VPS4A: variants seen among roughly 807,000 people sequenced by gnomAD.
The protein encoded by VPS4A is vacuolar protein sorting-associated protein 4A.
A neutral mutation model predicts 52.3 loss-of-function variants in VPS4A; 20 were observed. The ratio of observed to expected loss-of-function variants is 0.38; its 90% confidence interval spans 0.27 to 0.56. The LOEUF is 0.56. VPS4A is among the 20% of genes least tolerant of loss of function. The probability of loss-of-function intolerance (pLI) is 0.72; values close to 1 mark genes in which losing one functional copy is unlikely to be tolerated. For synonymous variants in VPS4A, 293 were observed against 227.7 expected (o/e 1.29, Z -2.58); for missense variants, 419 against 575.9 (o/e 0.73, Z 2.79).
rs1388937519 is a variant in VPS4A at position 69,324,345 on chromosome 16, G to A, written c.*36G>A. The A allele has an allele frequency of 1.2e-6, 2 of 1,600,974 alleles. No homozygotes were observed. Among genetic ancestry groups the A allele is most frequent in the Non-Finnish European group, 1.7e-6 (2 of 1,171,852 alleles). On this transcript the variant is annotated 3_prime_UTR_variant, in exon 11 of 11. Coordinates refer to ENST00000254950, the MANE Select transcript of VPS4A (RefSeq NM_013245.3). ...ACTTGGGCAATGGTGAAGGTGGGAG[G>A]TTGATTGGGGCAAATCCAGGCACTC...
chr16:69,322,551 T>C lies in VPS4A; in HGVS notation c.1072-9T>C, dbSNP rs1454997797. The C allele has an allele frequency of 5.3e-5, 86 of 1,610,102 alleles. No individual in the cohort carries two copies. Among genetic ancestry groups the C allele is most frequent in the Non-Finnish European group, 6.9e-5 (81 of 1,177,910 alleles). On this transcript the variant is annotated splice_polypyrimidine_tract_variant and intron_variant, in intron 9 of 10. Transcript: ENST00000254950. ...GGCAGCTGCCCCAGTCAGATCCATTTGGTTTCAGGTCTGTGGCCCCTCTCG... is the reference window on the plus strand; with the variant it reads ...GGCAGCTGCCCCAGTCAGATCCATTCGGTTTCAGGTCTGTGGCCCCTCTCG...
In VPS4A at chr16:69,321,210, C is replaced by T. The variant is rs376757231; in HGVS notation, c.1011C>T (p.Ile337=). 7.1e-5 allele frequency: 111 copies of T among 1,568,608 alleles called. No homozygotes were observed. The highest frequency in any genetic ancestry group is 4.3e-4 in the East Asian group (18 of 42,018). The change falls in exon 9 of 11, where the codon ATC becomes ATT. Residue 337 remains isoleucine (I), a synonymous_variant. Coordinates refer to ENST00000254950, the MANE Select transcript of VPS4A (RefSeq NM_013245.3). The surrounding 1 kb of genome is among the most constrained non-coding windows in gnomAD (Gnocchi z 4.5). The part of the protein sequence containing the change: ...EGYSGADISI[I]VRDSLMQPVR... Reference sequence around the variant, plus strand: ...ACTCGGGCGCGGACATCAGCATCATCGTGCGGGACTCTCTCATGCAGCCCG... The same window carrying T: ...ACTCGGGCGCGGACATCAGCATCATTGTGCGGGACTCTCTCATGCAGCCCG...
chr16:69,319,685 G>C, intron 6 of VPS4A, 142 bp downstream of exon 6: 1 of 1,159,372 alleles, frequency 8.6e-7, no homozygotes, highest in Non-Finnish European at 1.2e-6. Context: ...CTAGCTTATC[G>C]GCTGGGACAC....
Position 69,316,094 on chromosome 16 carries a change from G to A in VPS4A, c.108G>A (p.Val36=). 3 of 1,613,480 alleles carry A rather than the reference G, an allele frequency of 1.9e-6. No individual in the cohort carries two copies. Among genetic ancestry groups the A allele is most frequent in the Non-Finnish European group, 2.5e-6 (3 of 1,179,888 alleles). ...CGCTGCGGCTGTACCAGCATGCGGT[G>A]GAGTACTTCCTCCACGCTATCAAGT... ...EEALRLYQHA[V]EYFLHAIKYE... The change falls in exon 2 of 11, where the codon GTG becomes GTA. Residue 36 remains valine (V), a synonymous_variant. Coordinates refer to ENST00000254950, the MANE Select transcript of VPS4A (RefSeq NM_013245.3).
Position 69,320,672 on chromosome 16 carries a change from C to A in VPS4A, c.770-16C>A, listed in dbSNP as rs1050371664. 1.3e-6 allele frequency: 2 copies of A among 1,588,960 alleles called. No individual in the cohort carries two copies. Among genetic ancestry groups the A allele is most frequent in the African/African-American group, 2.7e-5 (2 of 74,620 alleles). The stretch of plus-strand genomic sequence containing the variant: ...AGGTGTCCAGAGTCTGAGTCTTTGT[C>A]TCCCTTTCTCCACAGGGGTGGGGAA... On this transcript the variant is annotated splice_polypyrimidine_tract_variant and intron_variant, in intron 7 of 10. Coordinates refer to ENST00000254950, the MANE Select transcript of VPS4A (RefSeq NM_013245.3). This position sits in a 1 kb window ranked among gnomAD's most constrained non-coding sequence, Gnocchi z 4.2.
intron 5 of VPS4A, 106 bp downstream of exon 5, chr16:69,319,048 G>A (rs1047486053): frequency 1.9e-5 from 29 of 1,498,938 alleles, no homozygotes; most frequent in Non-Finnish European, 2.4e-5. Context: ...CCCGGGGCCT[G>A]CAGAGGGCCA....
Position 69,325,326 on chromosome 16 carries a change from C to CCAG in VPS4A, c.*1018_*1019insAGC, listed in dbSNP as rs1965575698. Reference sequence around the variant, plus strand: ...CAAAGTGGGAGCCCTGCGTACCAGACCCGTCCTGCAGCTGTGTTTGTTTGG... The same window carrying CCAG: ...CAAAGTGGGAGCCCTGCGTACCAGACCAGCCGTCCTGCAGCTGTGTTTGTTTGG... On this transcript the variant is annotated 3_prime_UTR_variant, in exon 11 of 11. Coordinates refer to ENST00000254950, the MANE Select transcript of VPS4A (RefSeq NM_013245.3). 8 of 152,342 alleles carry CCAG rather than the reference C, an allele frequency of 5.3e-5. No individual in the cohort carries two copies. The South Asian group carries it at 1.5e-3, about 28-fold the overall frequency. The allele number at this position is 152,342 out of a possible 1,614,324, so 9.4% of individuals were successfully genotyped here. A position where few individuals can be genotyped will look rare whatever the true frequency, so the allele number is the denominator to read the frequency against.
In VPS4A at chr16:69,320,818, G is replaced by T; in HGVS notation, c.851+49G>T. On this transcript the variant is annotated intron_variant, in intron 8 of 10. Coordinates refer to ENST00000254950, the MANE Select transcript of VPS4A (RefSeq NM_013245.3). The surrounding 1 kb of genome is among the most constrained non-coding windows in gnomAD (Gnocchi z 4.2). The stretch of plus-strand genomic sequence containing the variant: ...AGGGCTGGAGGCTTCCTCCCACCAT[G>T]GTCACGGTCCGCCTGCTGCTGGCAG... The T allele has an allele frequency of 6.5e-7, 1 of 1,548,294 alleles. No homozygotes were observed. The highest frequency in any genetic ancestry group is 8.8e-7 in the Non-Finnish European group (1 of 1,139,292).
intron 3 of VPS4A, 118 bp from the exon 4 acceptor site, chr16:69,318,532 A>T: frequency 1.8e-6 from 2 of 1,127,238 alleles, no homozygotes; most frequent in Non-Finnish European, 2.6e-6. Flanking sequence ...CGGCACTGTT[A>T]AGCCAGGAAG....
chr16:69,323,795 C>CAA, intron 10 of VPS4A: 1 of 382,002 alleles, frequency 2.6e-6, no homozygotes, highest in Middle Eastern at 9.1e-4. Context: ...GCTAAAAATA[C>CAA]AAAAATCAGC....
chr16:69,318,020 T>C (rs910995342), intron 3 of VPS4A, among the ~76,000 whole-genome samples: 1 of 151,312 alleles, frequency 6.6e-6, no homozygotes, highest in African/African-American at 2.4e-5. Flanking sequence ...TTTTTTTTTT[T>C]TTTCCCCCAG....
intron 10 of VPS4A, chr16:69,323,775 C>T (rs1252547122): frequency 4.9e-6 from 2 of 404,654 alleles, no homozygotes; most frequent in Non-Finnish European, 9.8e-6. Context: ...CATAGTGAAA[C>T]CCCGTCTCTG....
chr16:69,319,014 C>A, intron 5 of VPS4A, 72 bp downstream of exon 5: 1 of 1,569,040 alleles, frequency 6.4e-7, no homozygotes, highest in Non-Finnish European at 8.6e-7. Context: ...TCCGAGGCAC[C>A]CGGGAGTCAG....
In VPS4A at chr16:69,325,395, C is replaced by T. The variant is rs1325968174; in HGVS notation, c.*1086C>T. 6.7e-6 allele frequency: 1 copy of T among 149,998 alleles called. No individual in the cohort carries two copies. 9.3% of individuals were successfully genotyped at this position (149,998 alleles called of 1,614,324 possible). A position where few individuals can be genotyped will look rare whatever the true frequency, so the allele number is the denominator to read the frequency against. On this transcript the variant is annotated 3_prime_UTR_variant, in exon 11 of 11. Coordinates refer to ENST00000254950, the MANE Select transcript of VPS4A (RefSeq NM_013245.3). ...TTTAAAAGTCGAGAGTTGCTGGGCG[C>T]GGTGGCTCACGCCTGTAATCCCAGC... is the stretch of plus-strand genomic sequence containing the variant.
Position 69,320,889 on chromosome 16 carries a change from C to G in VPS4A, c.851+120C>G, listed in dbSNP as rs188194490. 74 of 1,257,866 alleles carry G rather than the reference C, an allele frequency of 5.9e-5. 1 individual carries two copies. In the African/African-American group the frequency reaches 1.0e-3, roughly 18 times the overall value. The allele number at this position is 1,257,866 out of a possible 1,614,324, so 77.9% of individuals were successfully genotyped here. The stretch of plus-strand genomic sequence containing the variant: ...TTTTCCCTGGAGTCTTCCCGTCTGC[C>G]TGCCAAGCAGAGCCCTTTGTGAGGC... On this transcript the variant is annotated intron_variant, in intron 8 of 10. Coordinates refer to ENST00000254950, the MANE Select transcript of VPS4A (RefSeq NM_013245.3). The surrounding 1 kb of genome is among the most constrained non-coding windows in gnomAD (Gnocchi z 4.2).
At chr16:69,318,791 G>T (rs747930638) in intron 4 of VPS4A, 32 bp from the exon 5 acceptor site, 52 of 1,583,966 alleles carry the variant, frequency 3.3e-5, no homozygotes, top group Non-Finnish European at 4.1e-5. Flanking sequence ...CCCTTGGCCG[G>T]GCCCGGGCCC....
Position 69,320,499 on chromosome 16 carries a change from G to A in VPS4A, c.770-189G>A. The A allele has an allele frequency of 6.2e-6, 5 of 805,214 alleles. No homozygotes were observed. The highest frequency in any genetic ancestry group is 9.7e-6 in the Non-Finnish European group (5 of 515,264). The allele number at this position is 805,214 out of a possible 1,614,324, so 49.9% of individuals were successfully genotyped here. ...CACTCCACCCCTCCCATGGCAGGCA[G>A]TGCCATAGGTCTCACCTGGCACAGC... On this transcript the variant is annotated intron_variant, in intron 7 of 10. Coordinates refer to ENST00000254950, the MANE Select transcript of VPS4A (RefSeq NM_013245.3). The surrounding 1 kb of genome is among the most constrained non-coding windows in gnomAD (Gnocchi z 4.2).
chr16:69,318,231 C>A (rs566307656), intron 3 of VPS4A, among the ~76,000 whole-genome samples: 16 of 152,294 alleles, frequency 1.1e-4, no homozygotes, highest in African/African-American at 3.8e-4. Flanking sequence ...CCTCAGCCTC[C>A]CAGAGTGCTG....
rs1965491228 is a variant in VPS4A at position 69,320,017 on chromosome 16, C to T, written c.621-124C>T. ...GAGGGCTCCTCACCACCACGTTTTC[C>T]GCAATTCCGGCATGACCGTGGCCTG... On this transcript the variant is annotated intron_variant, in intron 6 of 10. Transcript: ENST00000254950. This position sits in a 1 kb window ranked among gnomAD's most constrained non-coding sequence, Gnocchi z 4.2. The T allele has an allele frequency of 1.3e-5, 17 of 1,350,082 alleles. No individual in the cohort carries two copies. The highest frequency in any genetic ancestry group is 8.8e-5 in the South Asian group (6 of 68,140). 83.6% of individuals were successfully genotyped at this position (1,350,082 alleles called of 1,614,324 possible).
Sources: allele counts gnomAD v4.1 joint callset (sites outside exome capture counted in the v4.1 genomes callset), GRCh38; gene constraint gnomAD v4.1.1; non-coding constraint Gnocchi (gnomAD v3.1); transcripts MANE v1.5; gene names NCBI Gene and HGNC (gene_info 2026-07-23, HGNC 2026-07-21).